The following AZIN2 variants were observed in gnomAD, a reference collection of about 807,000 sequenced individuals.
The protein encoded by AZIN2 is antizyme inhibitor 2, also known as ODC antizyme inhibitor-2.
In AZIN2, 28 loss-of-function variants were observed where a neutral mutation model predicts 47.8. The ratio of observed to expected loss-of-function variants is 0.59; its 90% CI spans 0.43 to 0.80. The LOEUF (loss-of-function observed/expected upper bound fraction) is 0.80. AZIN2 is among the 30% of genes least tolerant of loss of function. The pLI, the probability that AZIN2 is intolerant of heterozygous loss-of-function variation, is 0.00. For synonymous variants in AZIN2, 221 were observed against 239.4 expected (o/e 0.92, Z 0.71); for missense variants, 535 against 582.5 (o/e 0.92, Z 0.84).
chr1:33,101,337 C>A (rs1423340106), intron 10 of AZIN2, among the ~76,000 whole-genome samples: 1 of 152,126 alleles, frequency 6.6e-6, no homozygotes, highest in Non-Finnish European at 1.5e-5. Context: ...CTGTGCCTGG[C>A]CCCCACCCTC....
chr1:33,148,790 G>T, the AZIN2 span, among the ~76,000 whole-genome samples: 2 of 152,296 alleles, frequency 1.3e-5, no homozygotes, highest in African/African-American at 4.8e-5. Context: ...TAGACAATGG[G>T]TCTGAAAAGA....
At chr1:33,141,592 A>G in the AZIN2 span, among the ~76,000 whole-genome samples, 56 of 152,172 alleles carry the variant, frequency 3.7e-4, no homozygotes, top group Admixed American at 3.7e-3. Flanking sequence ...GCCCTTCCCC[A>G]GCCCTTATCA....
chr1:33,132,839 T>C, the AZIN2 span, among the ~76,000 whole-genome samples: 1 of 152,182 alleles, frequency 6.6e-6, no homozygotes, highest in Non-Finnish European at 1.5e-5. Flanking sequence ...TCTTGGGTAG[T>C]GATGAGAATT....
At chr1:33,110,817 G>A (rs1390496674) in intron 10 of AZIN2, among the ~76,000 whole-genome samples, 1 of 152,164 alleles carries the variant, frequency 6.6e-6, no homozygotes, top group African/African-American at 2.4e-5. Flanking sequence ...ATTTGAACAG[G>A]GAAATTTTAA....
intron 10 of AZIN2, among the ~76,000 whole-genome samples, chr1:33,103,480 T>C (rs1643863707): frequency 6.6e-6 from 1 of 152,178 alleles, no homozygotes; most frequent in Non-Finnish European, 1.5e-5. Flanking sequence ...TCAGCTCAGA[T>C]GTCACCTTGT....
At chr1:33,132,417 A>T in the AZIN2 span, among the ~76,000 whole-genome samples, 2 of 152,176 alleles carry the variant, frequency 1.3e-5, no homozygotes, top group African/African-American at 4.8e-5. Flanking sequence ...TTTCAGTGAA[A>T]CTTCATTTCC....
At chr1:33,117,529 C>A (rs920622701) in intron 10 of AZIN2, among the ~76,000 whole-genome samples, 1 of 152,208 alleles carries the variant, frequency 6.6e-6, no homozygotes, top group Non-Finnish European at 1.5e-5. Flanking sequence ...GCACCCTCGC[C>A]GTGTGCCGCC....
intron 10 of AZIN2, among the ~76,000 whole-genome samples, chr1:33,109,653 AT>A (rs752876879): frequency 9.9e-5 from 15 of 151,870 alleles, no homozygotes; most frequent in Non-Finnish European, 1.8e-4. Flanking sequence ...CAGTGCAGAA[AT>A]TTTTAATTTT....
intron 5 of AZIN2, among the ~76,000 whole-genome samples, chr1:33,088,876 C>G (rs184415637): frequency 8.7e-4 from 132 of 152,336 alleles, no homozygotes; most frequent in African/African-American, 3.0e-3. Flanking sequence ...CTTCCCAGCT[C>G]TTAACCACTT....
intron 4 of AZIN2, 200 bp from the exon 5 acceptor site, chr1:33,083,754 G>A: frequency 3.3e-6 from 2 of 615,156 alleles, no homozygotes; most frequent in South Asian, 3.7e-5. Flanking sequence ...GGAGGGATTG[G>A]GGCTAGATCA....
Position 33,113,177 on chromosome 1 carries a change from C to T in AZIN2, c.1030-4725C>T, listed in dbSNP as rs1644363823. ...TAGAGATGGGGTTTCACCGTGTTAACCAGGATGGTCTCGACCTCCTGACCT... is the reference window on the plus strand; with the variant it reads ...TAGAGATGGGGTTTCACCGTGTTAATCAGGATGGTCTCGACCTCCTGACCT... On this transcript the variant is annotated intron_variant, in intron 10 of 11. Transcript: ENST00000294517. This position sits in a 1 kb window ranked among gnomAD's most constrained non-coding sequence, Gnocchi z 4.1. Among the ~76,000 whole-genome samples, 1 of 152,194 alleles carries T rather than the reference C, an allele frequency of 6.6e-6. No homozygotes were observed. Among genetic ancestry groups the T allele is most frequent in the African/African-American group, 2.4e-5 (1 of 41,450 alleles).
the AZIN2 span, among the ~76,000 whole-genome samples, chr1:33,157,636 C>T: frequency 1.3e-5 from 2 of 152,170 alleles, no homozygotes; most frequent in Non-Finnish European, 2.9e-5. Context: ...GCACCTAGAA[C>T]AGTTCCTGAT....
intron 10 of AZIN2, among the ~76,000 whole-genome samples, chr1:33,109,331 T>C (rs1644175764): frequency 6.6e-6 from 1 of 151,902 alleles, no homozygotes; most frequent in African/African-American, 2.4e-5. Context: ...CTTTTTCTTT[T>C]TTTTTTTTTT....
intron 10 of AZIN2, among the ~76,000 whole-genome samples, chr1:33,101,199 C>T (rs1643660379): frequency 6.6e-6 from 1 of 151,886 alleles, no homozygotes; most frequent in Non-Finnish European, 1.5e-5. Context: ...TCCCCATACT[C>T]TTTTCTTCTT....
At chr1:33,165,542 C>T in the AZIN2 span, 1 of 1,610,392 alleles carries the variant, frequency 6.2e-7, no homozygotes, top group South Asian at 1.1e-5. This position sits in a 1 kb window ranked among gnomAD's most constrained non-coding sequence, Gnocchi z 4.0. Flanking sequence ...TCTTGAAGGG[C>T]CTGAAGTTGG....
the AZIN2 span, chr1:33,164,026 A>T: frequency 1.3e-5 from 2 of 152,016 alleles, no homozygotes; most frequent in African/African-American, 2.4e-5. Context: ...AGCCCATAAT[A>T]CTCCGCTCTC....
chr1:33,119,977 C>T lies in AZIN2; in HGVS notation c.1245-67C>T, dbSNP rs547638629. On this transcript the variant is annotated intron_variant, in intron 11 of 11. Transcript: ENST00000294517. Reference sequence around the variant, plus strand: ...GAGAGCCCTCTGCCCAATGGGGCTGCGTCTCCAGGTACAGGGCCCTGCCAG... The same window carrying T: ...GAGAGCCCTCTGCCCAATGGGGCTGTGTCTCCAGGTACAGGGCCCTGCCAG... 4.1e-5 allele frequency: 65 copies of T among 1,600,550 alleles called. 1 individual carries two copies. The highest frequency in any genetic ancestry group is 1.3e-4 in the African/African-American group (10 of 74,796).
At chr1:33,085,929 C>T (rs533884639) in intron 5 of AZIN2, among the ~76,000 whole-genome samples, 26 of 152,240 alleles carry the variant, frequency 1.7e-4, no homozygotes, top group African/African-American at 5.8e-4. Context: ...TGGGCCTCCA[C>T]GTGGGATGAA....
chr1:33,160,880 T>C, the AZIN2 span, among the ~76,000 whole-genome samples: 1 of 152,156 alleles, frequency 6.6e-6, no homozygotes, highest in African/African-American at 2.4e-5. Flanking sequence ...CAAGGACTGG[T>C]GTTTATAGAC....
Sources: allele counts gnomAD v4.1 joint callset (sites outside exome capture counted in the v4.1 genomes callset), GRCh38; gene constraint gnomAD v4.1.1; non-coding constraint Gnocchi (gnomAD v3.1); transcripts MANE v1.5; gene names NCBI Gene and HGNC (gene_info 2026-07-23, HGNC 2026-07-21).